Variants in NFKB1 observed in about 807,000 individuals in gnomAD.
NFKB1 encodes the protein nuclear factor NF-kappa-B p105 subunit.
A neutral mutation model predicts 105.1 loss-of-function variants in NFKB1; 9 were observed. The ratio of observed to expected loss-of-function variants is 0.09; its 90% confidence interval spans 0.05 to 0.15. The LOEUF is 0.15. Ranked by LOEUF, NFKB1 falls within the 10% of genes least tolerant of loss-of-function variation. The probability of loss-of-function intolerance (pLI) is 1.00; values close to 1 mark genes in which losing one functional copy is unlikely to be tolerated. For synonymous variants in NFKB1, 440 were observed against 442.2 expected (o/e 1.00, Z 0.06); for missense variants, 830 against 1,203.7 (o/e 0.69, Z 4.59).
intron 11 of NFKB1, among the ~76,000 whole-genome samples, chr4:102,590,210 G>C (rs1250499544): frequency 6.6e-6 from 1 of 152,086 alleles, no homozygotes; most frequent in South Asian, 2.1e-4. Context: ...TCTTTAGTAT[G>C]TCCCACACAC....
chr4:102,593,390 C>CT, intron 11 of NFKB1, 35 bp from the exon 12 acceptor site: 1 of 1,587,994 alleles, frequency 6.3e-7, no homozygotes, highest in Non-Finnish European at 8.6e-7. Flanking sequence ...CCAAATCAAT[C>CT]TTTTCTCCTC....
intron 2 of NFKB1, among the ~76,000 whole-genome samples, chr4:102,526,528 T>C (rs528576523): frequency 6.6e-6 from 1 of 152,276 alleles, no homozygotes; most frequent in East Asian, 1.9e-4. Context: ...TTAAAACTCA[T>C]CTAGTAAGGA....
rs1043066234 is a variant in NFKB1 at position 102,593,409 on chromosome 4, C to A, written c.1067-16C>A. On this transcript the variant is annotated splice_polypyrimidine_tract_variant and intron_variant, in intron 11 of 23. Transcript: ENST00000226574. ...ATCAATCTTTTCTCCTCTGGTTTCT[C>A]TTCCTTTAAATACAGATAAAGAAGA... 7 of 1,601,114 alleles carry A rather than the reference C, an allele frequency of 4.4e-6. No individual in the cohort carries two copies. The highest frequency in any genetic ancestry group is 5.1e-6 in the Non-Finnish European group (6 of 1,172,728).
Position 102,613,514 on chromosome 4 carries a change from C to T in NFKB1, c.2682C>T (p.Ser894=). ...TTGAAGTGATCCAGGCAGCCTCCAG[C>T]CCAGTGAAGACCACCTCTCAGGCCC... ...EAIEVIQAAS[S]PVKTTSQAHS... is the part of the protein sequence containing the mutation. Residue 894 remains serine (S), a synonymous_variant, in exon 23 of 24, where the codon AGC becomes AGT. Transcript: ENST00000226574. 1 of 1,613,944 alleles carries T rather than the reference C, an allele frequency of 6.2e-7. No homozygotes were observed. Among genetic ancestry groups the T allele is most frequent in the Non-Finnish European group, 8.5e-7 (1 of 1,179,996 alleles).
chr4:102,584,019 G>A (rs577518960), intron 10 of NFKB1, among the ~76,000 whole-genome samples: 1 of 152,252 alleles, frequency 6.6e-6, no homozygotes, highest in African/African-American at 2.4e-5. Flanking sequence ...AAGAAATTCT[G>A]GAAGGATACC....
intron 5 of NFKB1, among the ~76,000 whole-genome samples, chr4:102,560,706 A>G (rs542528176): frequency 6.6e-6 from 1 of 152,198 alleles, no homozygotes; most frequent in African/African-American, 2.4e-5. Flanking sequence ...TCTTGGCTGT[A>G]TGACTTTGGG....
At chr4:102,571,471 A>C (rs923097015) in intron 6 of NFKB1, among the ~76,000 whole-genome samples, 2 of 152,240 alleles carry the variant, frequency 1.3e-5, no homozygotes, top group Non-Finnish European at 2.9e-5. Context: ...ACCAAAGCCA[A>C]AATTGACAAA....
chr4:102,540,090 A>G (rs1266365958), intron 5 of NFKB1, among the ~76,000 whole-genome samples: 2 of 152,180 alleles, frequency 1.3e-5, no homozygotes, highest in Non-Finnish European at 2.9e-5. Flanking sequence ...TGTTATCAGC[A>G]TTGACACTGA....
At chr4:102,512,484 GA>G (rs1739846522) in intron 1 of NFKB1, among the ~76,000 whole-genome samples, 1 of 152,068 alleles carries the variant, frequency 6.6e-6, no homozygotes, top group Non-Finnish European at 1.5e-5. Flanking sequence ...AAGTAGGTGG[GA>G]CTACAGGCAT....
At position 102,515,104 on chromosome 4, in the gene NFKB1, A is replaced by ATTTTTTTTTT. The variant is rs761237095; in HGVS notation, c.-7-10406_-7-10405insTTTTTTTTTT. Among the ~76,000 whole-genome samples the ATTTTTTTTTT allele has an allele frequency of 2.7e-4, 31 of 113,500 alleles. 1 individual carries two copies. Among genetic ancestry groups the ATTTTTTTTTT allele is most frequent in the East Asian group, 1.0e-3 (4 of 3,814 alleles). 74.5% of individuals were successfully genotyped at this position (113,500 alleles called of 152,430 possible). On this transcript the variant is annotated intron_variant, in intron 1 of 23. Coordinates refer to ENST00000226574, the MANE Select transcript of NFKB1 (RefSeq NM_003998.4). Reference sequence around the variant, plus strand: ...AGTTCCATGTAATATTATTATTATTATTATTTTTTTTTTTTTTTTTTTTTG... The same window carrying ATTTTTTTTTT: ...AGTTCCATGTAATATTATTATTATTATTTTTTTTTTTTATTTTTTTTTTTTTTTTTTTTTG...
chr4:102,545,348 G>T (rs1312294022), intron 5 of NFKB1, among the ~76,000 whole-genome samples: 1 of 152,032 alleles, frequency 6.6e-6, no homozygotes, highest in African/African-American at 2.4e-5. Context: ...AATGCTTTTT[G>T]CCTTTAGGTC....
chr4:102,571,259 C>A (rs1046950120), intron 6 of NFKB1, among the ~76,000 whole-genome samples: 10 of 152,264 alleles, frequency 6.6e-5, no homozygotes, highest in Admixed American at 3.3e-4. Flanking sequence ...ATAAATGGTG[C>A]TGGGAAAACT....
intron 5 of NFKB1, 119 bp from the exon 6 acceptor site, chr4:102,566,868 A>G: frequency 1.0e-6 from 1 of 958,952 alleles, no homozygotes. Context: ...GTAATCATGT[A>G]TATACATATA....
At chr4:102,607,854 T>A in intron 19 of NFKB1, 103 bp downstream of exon 19, 1 of 964,006 alleles carries the variant, frequency 1.0e-6, no homozygotes, top group East Asian at 2.4e-5. Flanking sequence ...ACAGACCTAC[T>A]GCTGAAAAAC....
At chr4:102,616,383 C>G in intron 23 of NFKB1, 51 bp from the exon 24 acceptor site, 1 of 1,598,924 alleles carries the variant, frequency 6.3e-7, no homozygotes, top group South Asian at 1.1e-5. Context: ...AGTCCATGAG[C>G]TTTTTAGAGC....
chr4:102,588,091 C>A (rs1725862242), intron 11 of NFKB1, among the ~76,000 whole-genome samples: 1 of 151,976 alleles, frequency 6.6e-6, no homozygotes, highest in Non-Finnish European at 1.5e-5. Context: ...GTCTTCCTAC[C>A]ACCCCGAGTA....
intron 1 of NFKB1, among the ~76,000 whole-genome samples, chr4:102,513,096 T>C (rs3774937): frequency 0.27 from 40,791 of 152,118 alleles, 6,768 homozygotes; most frequent in Admixed American, 0.41. Flanking sequence ...TCTGTGATAC[T>C]ATGTTTTTAG....
At chr4:102,611,260 C>G (rs1475044483) in intron 20 of NFKB1, among the ~76,000 whole-genome samples, 1 of 152,192 alleles carries the variant, frequency 6.6e-6, no homozygotes, top group Admixed American at 6.5e-5. Flanking sequence ...TCCAACATGA[C>G]AAGATCAGTT....
At chr4:102,516,587 A>T (rs201850233) in intron 1 of NFKB1, among the ~76,000 whole-genome samples, 60 of 144,946 alleles carry the variant, frequency 4.1e-4, no homozygotes, top group African/African-American at 1.2e-3. Context: ...TCTTTTTTTT[A>T]AAAGAAAGGT....
Sources: gnomAD v4.1 joint callset for allele counts (sites outside exome capture counted in the v4.1 genomes callset) on GRCh38, gnomAD v4.1.1 for gene constraint, MANE v1.5 for transcripts, NCBI Gene and HGNC (gene_info 2026-07-23, HGNC 2026-07-21) for gene names.